The following CCDC178 variants were observed in gnomAD, a reference collection of about 807,000 sequenced individuals.
CCDC178 encodes coiled-coil domain-containing protein 178.
Under a neutral mutation model 117.4 loss-of-function variants are expected in CCDC178, and 126 were observed. That is an observed-to-expected ratio of 1.07 (90% CI 0.93 to 1.24). The LOEUF (loss-of-function observed/expected upper bound fraction) is 1.24. Ranked by LOEUF, CCDC178 falls within the 50% of genes most tolerant of loss-of-function variation. The probability of loss-of-function intolerance (pLI) is 0.00; values close to 1 mark genes in which losing one functional copy is unlikely to be tolerated. For synonymous variants in CCDC178, 283 were observed against 313.4 expected (o/e 0.90, Z 1.02); for missense variants, 1,030 against 986.9 (o/e 1.04, Z -0.59).
At chr18:33,114,773 T>C (rs1294788868) in intron 20 of CCDC178, among the ~76,000 whole-genome samples, 1 of 152,062 alleles carries the variant, frequency 6.6e-6, no homozygotes, top group African/African-American at 2.4e-5. Flanking sequence ...TCAAATACAC[T>C]GTTCATTCTT....
At chr18:33,162,895 T>C (rs2058484349) in intron 20 of CCDC178, among the ~76,000 whole-genome samples, 1 of 152,146 alleles carries the variant, frequency 6.6e-6, no homozygotes, top group South Asian at 2.1e-4. Flanking sequence ...CAATGAATGT[T>C]CGTGTGTATG....
chr18:33,116,927 G>A (rs2057864831), intron 20 of CCDC178, among the ~76,000 whole-genome samples: 1 of 152,150 alleles, frequency 6.6e-6, no homozygotes, highest in African/African-American at 2.4e-5. Context: ...GAACAATGGT[G>A]AAGGAGGATT....
intron 22 of CCDC178, among the ~76,000 whole-genome samples, chr18:32,954,859 G>A (rs2054560450): frequency 6.6e-6 from 1 of 151,950 alleles, no homozygotes; most frequent in African/African-American, 2.4e-5. Flanking sequence ...GAATTTCCAA[G>A]CCAGGATTCA....
chr18:32,988,230 G>C (rs954377362), intron 21 of CCDC178, among the ~76,000 whole-genome samples: 1 of 151,956 alleles, frequency 6.6e-6, no homozygotes, highest in Non-Finnish European at 1.5e-5. Context: ...GAGGTCAGGG[G>C]TTCAAGACCA....
chr18:33,026,517 G>T (rs2144845690), intron 21 of CCDC178, among the ~76,000 whole-genome samples: 1 of 151,930 alleles, frequency 6.6e-6, no homozygotes, highest in East Asian at 1.9e-4. Flanking sequence ...AATTTCATGA[G>T]GTTTTTAGAA....
At chr18:33,313,962 AG>A (rs1249652377) in intron 11 of CCDC178, among the ~76,000 whole-genome samples, 1 of 151,968 alleles carries the variant, frequency 6.6e-6, no homozygotes, top group African/African-American at 2.4e-5. Flanking sequence ...GCACTTTGGG[AG>A]GCCGAGGCGG....
Position 33,309,188 on chromosome 18 carries a change from CAAA to C in CCDC178, c.1022+14300_1022+14302del, listed in dbSNP as rs56164801. Among the ~76,000 whole-genome samples the C allele has an allele frequency of 4.2e-5, 6 of 143,368 alleles. No homozygotes were observed. In the South Asian group the frequency reaches 6.6e-4, roughly 16 times the overall value. 94.1% of individuals were successfully genotyped at this position (143,368 alleles called of 152,430 possible). A position where few individuals can be genotyped will look rare whatever the true frequency, so the allele number is the denominator to read the frequency against. ...CAAAAATAAGCTTTGTGTTTTTTGA[CAAA>C]AAAAAAAAAAATTAATATTAACTCA... On this transcript the variant is annotated intron_variant, in intron 11 of 22. Coordinates refer to ENST00000383096, the MANE Select transcript of CCDC178 (RefSeq NM_001105528.4).
intron 21 of CCDC178, among the ~76,000 whole-genome samples, chr18:33,082,164 G>A (rs1011127588): frequency 1.1e-4 from 17 of 152,110 alleles, no homozygotes; most frequent in Non-Finnish European, 2.1e-4. Flanking sequence ...GGTGTACACA[G>A]GTATACACAG....
At chr18:33,070,653 G>C (rs1381869178) in intron 21 of CCDC178, among the ~76,000 whole-genome samples, 1 of 151,934 alleles carries the variant, frequency 6.6e-6, no homozygotes, top group Non-Finnish European at 1.5e-5. Context: ...AAAATAGCTA[G>C]GAGAGAAGAC....
chr18:33,399,986 G>C (rs894464548), intron 3 of CCDC178, among the ~76,000 whole-genome samples: 2 of 152,034 alleles, frequency 1.3e-5, no homozygotes, highest in Non-Finnish European at 2.9e-5. Flanking sequence ...TGATCCACAG[G>C]CTGCAGGATG....
chr18:33,361,858 G>A (rs951148320), intron 6 of CCDC178, among the ~76,000 whole-genome samples: 5 of 151,566 alleles, frequency 3.3e-5, no homozygotes, highest in South Asian at 2.1e-4. Context: ...TGGTGGGAAG[G>A]TAGAATGGTA....
At chr18:33,437,644 A>G (rs1196969098) in intron 2 of CCDC178, 1 of 152,248 alleles carries the variant, frequency 6.6e-6, no homozygotes, top group Non-Finnish European at 1.5e-5. Flanking sequence ...TGATTAAAGT[A>G]GTTTAATCAA....
At chr18:32,995,801 A>G (rs2144754730) in intron 21 of CCDC178, among the ~76,000 whole-genome samples, 1 of 152,212 alleles carries the variant, frequency 6.6e-6, no homozygotes, top group East Asian at 1.9e-4. Flanking sequence ...GACAAATTAG[A>G]AAAGCATAAA....
chr18:33,057,786 G>A (rs757848220), intron 21 of CCDC178, among the ~76,000 whole-genome samples: 2 of 152,138 alleles, frequency 1.3e-5, no homozygotes, highest in Non-Finnish European at 2.9e-5. Context: ...GAGACACCAC[G>A]TCCAGCCCAA....
chr18:33,126,259 T>C (rs2058002910), intron 20 of CCDC178, among the ~76,000 whole-genome samples: 1 of 151,088 alleles, frequency 6.6e-6, no homozygotes, highest in Non-Finnish European at 1.5e-5. Flanking sequence ...GTAGAATATG[T>C]ATATAATTGT....
intron 21 of CCDC178, among the ~76,000 whole-genome samples, chr18:33,002,706 T>A (rs997156768): frequency 1.3e-5 from 2 of 150,402 alleles, no homozygotes; most frequent in Non-Finnish European, 3.0e-5. Context: ...GAAATTGAAA[T>A]GAATCAAACA....
intron 20 of CCDC178, among the ~76,000 whole-genome samples, chr18:33,197,468 G>C (rs2058944275): frequency 6.6e-6 from 1 of 152,112 alleles, no homozygotes; most frequent in Admixed American, 6.5e-5. Flanking sequence ...GTGGGGGTTA[G>C]TAGAAGGGGG....
intron 12 of CCDC178, among the ~76,000 whole-genome samples, chr18:33,270,326 A>T (rs1465428196): frequency 6.6e-6 from 1 of 151,648 alleles, no homozygotes; most frequent in Non-Finnish European, 1.5e-5. Flanking sequence ...AAGTATATTC[A>T]AATAAATAAT....
intron 14 of CCDC178, among the ~76,000 whole-genome samples, chr18:33,248,475 T>C (rs996191734): frequency 1.4e-5 from 2 of 145,218 alleles, no homozygotes; most frequent in African/African-American, 5.0e-5. Context: ...GTGTCGAGTG[T>C]TCTCATTGTT....
Sources: gnomAD v4.1 joint callset for allele counts (sites outside exome capture counted in the v4.1 genomes callset) on GRCh38, gnomAD v4.1.1 for gene constraint, MANE v1.5 for transcripts, NCBI Gene and HGNC (gene_info 2026-07-23, HGNC 2026-07-21) for gene names.